Variants in ATRNL1 observed in about 807,000 individuals in gnomAD.
ATRNL1 encodes attractin like 1, also known as attractin-like protein 1.
A neutral mutation model predicts 182.7 loss-of-function variants in ATRNL1; 95 were observed. The ratio of observed to expected loss-of-function variants is 0.52; its 90% CI spans 0.44 to 0.62. The LOEUF (loss-of-function observed/expected upper bound fraction) is 0.62, where lower values mean the gene tolerates loss of function less well. Among genes scored for constraint, ATRNL1 ranks in the 20% least tolerant of loss-of-function variants. ATRNL1 has a pLI of 0.00. For missense variants in ATRNL1, 1,471 were observed against 1,679.5 expected (o/e 0.88, Z 2.17); for synonymous variants, 576 against 568.3 (o/e 1.01, Z -0.19).
chr10:115,120,457 A>G (rs2143621638), intron 2 of ATRNL1, among the ~76,000 whole-genome samples, 189 bp downstream of exon 2: 1 of 152,166 alleles, frequency 6.6e-6, no homozygotes, highest in Non-Finnish European at 1.5e-5. Context: ...ACAGTAGTTT[A>G]ATTTTTATAT....
intron 28 of ATRNL1, among the ~76,000 whole-genome samples, chr10:115,901,543 T>C (rs1952351716): frequency 6.6e-6 from 1 of 152,104 alleles, no homozygotes; most frequent in South Asian, 2.1e-4. Context: ...TTTTTGTTTT[T>C]GTTGCACTTA....
rs1555125128 is a variant in ATRNL1 at position 115,944,793 on chromosome 10, C to T, written c.*14C>T. On this transcript the variant is annotated 3_prime_UTR_variant, in exon 29 of 29. Transcript: ENST00000355044. ...ACTTGTGTCTGAGAAATGGAAACCG[C>T]TCCTGTATATTCTGTACTGTTTTAC... 6.2e-7 allele frequency: 1 copy of T among 1,612,048 alleles called. No individual in the cohort carries two copies. Among genetic ancestry groups the T allele is most frequent in the South Asian group, 1.1e-5 (1 of 90,722 alleles).
At chr10:115,405,836 TC>T (rs1285045275) in intron 20 of ATRNL1, among the ~76,000 whole-genome samples, 1 of 82,280 alleles carries the variant, frequency 1.2e-5, no homozygotes, top group Non-Finnish European at 2.2e-5. Flanking sequence ...ATGCTATCCC[TC>T]CCCCCTCCCC....
At chr10:115,498,020 A>G (rs1849639262) in intron 24 of ATRNL1, among the ~76,000 whole-genome samples, 1 of 152,178 alleles carries the variant, frequency 6.6e-6, no homozygotes, top group Admixed American at 6.5e-5. Context: ...ACTCATTAGA[A>G]AGAGTCTTCT....
At chr10:115,555,709 G>A (rs1157336475) in intron 26 of ATRNL1, among the ~76,000 whole-genome samples, 2 of 151,862 alleles carry the variant, frequency 1.3e-5, no homozygotes, top group Non-Finnish European at 2.9e-5. Flanking sequence ...TAGTTTGTAT[G>A]ATGTTTCTAT....
At chr10:115,328,652 A>G (rs1175927052) in intron 18 of ATRNL1, among the ~76,000 whole-genome samples, 1 of 152,062 alleles carries the variant, frequency 6.6e-6, no homozygotes, top group Non-Finnish European at 1.5e-5. Flanking sequence ...TTTTTTAAAG[A>G]TACCATATAT....
At chr10:115,612,646 G>A (rs556899181) in intron 26 of ATRNL1, among the ~76,000 whole-genome samples, 1 of 152,342 alleles carries the variant, frequency 6.6e-6, no homozygotes, top group East Asian at 1.9e-4. Flanking sequence ...GCATTCACTA[G>A]CTGTCCTTGT....
Position 115,267,006 on chromosome 10 carries a change from G to A in ATRNL1, c.1981+1G>A, listed in dbSNP as rs781935171. 2 of 1,587,304 alleles carry A rather than the reference G, an allele frequency of 1.3e-6. No individual in the cohort carries two copies. Among genetic ancestry groups the A allele is most frequent in the African/African-American group, 1.3e-5 (1 of 74,236 alleles). On this transcript the variant is annotated splice_donor_variant, in intron 12 of 28. Coordinates refer to ENST00000355044, the MANE Select transcript of ATRNL1 (RefSeq NM_207303.4). LOFTEE classifies it high-confidence loss of function. ...AGAGCAAAGTGCCCTCCTAAAACAG[G>A]TAAATTTCTTTTTCTTTTCGTCTTT...
intron 27 of ATRNL1, among the ~76,000 whole-genome samples, chr10:115,831,630 C>G (rs1950562489): frequency 6.6e-6 from 1 of 152,126 alleles, no homozygotes; most frequent in Admixed American, 6.5e-5. Flanking sequence ...ACTTCTTGCA[C>G]CGGCTAACAT....
At chr10:115,277,358 C>A (rs1413585050) in intron 13 of ATRNL1, among the ~76,000 whole-genome samples, 1 of 151,904 alleles carries the variant, frequency 6.6e-6, no homozygotes, top group African/African-American at 2.4e-5. Context: ...AAATTAACAC[C>A]TTTGGAATGG....
At chr10:115,740,985 G>T (rs1294967075) in intron 27 of ATRNL1, among the ~76,000 whole-genome samples, 2 of 151,956 alleles carry the variant, frequency 1.3e-5, no homozygotes, top group Non-Finnish European at 2.9e-5. Flanking sequence ...AGTAATAACA[G>T]CTCAGTTTTA....
At chr10:115,256,097 T>A (rs1203613800) in intron 10 of ATRNL1, among the ~76,000 whole-genome samples, 1 of 152,208 alleles carries the variant, frequency 6.6e-6, no homozygotes, top group East Asian at 1.9e-4. Context: ...TCTAAAATTC[T>A]CTTTTTTTGT....
At chr10:115,394,880 AT>A in intron 20 of ATRNL1, 128 bp downstream of exon 20, 1 of 713,236 alleles carries the variant, frequency 1.4e-6, no homozygotes, top group Non-Finnish European at 2.3e-6. Flanking sequence ...TTTAACTTTT[AT>A]TTTAGATTTG....
intron 28 of ATRNL1, among the ~76,000 whole-genome samples, chr10:115,906,349 A>G (rs2615876): frequency 0.8 from 121,354 of 152,124 alleles, 55,020 homozygotes; most frequent in Non-Finnish European, 0.99. Flanking sequence ...CTGCCTTAAC[A>G]TATTTTAGAC....
At chr10:115,224,278 A>C (rs1454091697) in intron 9 of ATRNL1, among the ~76,000 whole-genome samples, 2 of 151,990 alleles carry the variant, frequency 1.3e-5, no homozygotes, top group African/African-American at 2.4e-5. Context: ...TTTCATACTT[A>C]AAATTACTGA....
chr10:115,093,954 C>T lies in ATRNL1; in HGVS notation c.204C>T (p.Ser68=). The T allele has an allele frequency of 7.5e-6, 12 of 1,589,994 alleles. No homozygotes were observed. Among genetic ancestry groups the T allele is most frequent in the Non-Finnish European group, 1.0e-5 (12 of 1,170,032 alleles). The change falls in exon 1 of 29, where the codon TCC becomes TCT. Residue 68 remains serine (S), a synonymous_variant. Coordinates refer to ENST00000355044, the MANE Select transcript of ATRNL1 (RefSeq NM_207303.4). This position sits in a 1 kb window ranked among gnomAD's most constrained non-coding sequence, Gnocchi z 6.1. ...SQSKPCERTG[S]CFSGRCVNST... ...CCAAGCCGTGCGAGAGGACCGGCTC[C>T]TGCTTCTCGGGCCGCTGTGTCAACT...
intron 26 of ATRNL1, among the ~76,000 whole-genome samples, chr10:115,593,913 T>G (rs1856068230): frequency 6.6e-6 from 1 of 152,092 alleles, no homozygotes; most frequent in African/African-American, 2.4e-5. Flanking sequence ...AATTATTTTC[T>G]TCCAAATATA....
chr10:115,902,650 A>G (rs544896111), intron 28 of ATRNL1, among the ~76,000 whole-genome samples: 3 of 152,354 alleles, frequency 2.0e-5, no homozygotes, highest in Middle Eastern at 3.4e-3. Flanking sequence ...CTCAATTCAC[A>G]AATGTGTTTT....
chr10:115,377,283 A>C (rs1348333558), intron 19 of ATRNL1, among the ~76,000 whole-genome samples: 4 of 152,032 alleles, frequency 2.6e-5, no homozygotes, highest in African/African-American at 4.8e-5. Context: ...AATAAGTCTC[A>C]CGAGGTCTGA....
Sources: gnomAD v4.1 joint callset for allele counts (sites outside exome capture counted in the v4.1 genomes callset) on GRCh38, gnomAD v4.1.1 for gene constraint, Gnocchi (gnomAD v3.1) non-coding constraint, MANE v1.5 for transcripts, NCBI Gene and HGNC (gene_info 2026-07-23, HGNC 2026-07-21) for gene names.